SERPINA9: variants seen among roughly 807,000 people sequenced by gnomAD.
The protein encoded by SERPINA9 is serpin family A member 9.
Under a neutral mutation model 24.5 loss-of-function variants are expected in SERPINA9, and 32 were observed. The ratio of observed to expected loss-of-function variants is 1.30; its 90% CI spans 0.98 to 1.75. The LOEUF (loss-of-function observed/expected upper bound fraction) is 1.75, where lower values mean the gene tolerates loss of function less well. SERPINA9 is among the 40% of genes most tolerant of loss of function. The pLI is 0.00. For synonymous variants in SERPINA9, 233 were observed against 197.7 expected, an observed-to-expected ratio of 1.18 and a Z score of -1.50; for missense variants, 594 against 497.1, an observed-to-expected ratio of 1.19 and a Z score of -1.85.
intron 1 of SERPINA9, 167 bp downstream of exon 1, chr14:94,475,969 C>T: frequency 1.0e-6 from 1 of 994,982 alleles, no homozygotes; most frequent in South Asian, 1.6e-5. Context: ...TCTGTATCCA[C>T]AAAAATGTGA....
chr14:94,475,515 A>G (rs1296726524), intron 1 of SERPINA9, among the ~76,000 whole-genome samples: 2 of 152,214 alleles, frequency 1.3e-5, no homozygotes, highest in Admixed American at 6.5e-5. Context: ...TCCTATGAAA[A>G]GGAATTGTCT....
chr14:94,475,668 T>C (rs908613761), intron 1 of SERPINA9, among the ~76,000 whole-genome samples: 1 of 151,998 alleles, frequency 6.6e-6, no homozygotes, highest in Non-Finnish European at 1.5e-5. Context: ...CCTTAGAAAG[T>C]ATCTCTTCTC....
chr14:94,475,106 C>A (rs1899521217), intron 1 of SERPINA9, among the ~76,000 whole-genome samples: 1 of 152,120 alleles, frequency 6.6e-6, no homozygotes, highest in Admixed American at 6.5e-5. Context: ...TCATTTTAAT[C>A]TACTGTGCTT....
At chr14:94,470,484 C>T (rs1338231178) in intron 1 of SERPINA9, among the ~76,000 whole-genome samples, 3 of 152,272 alleles carry the variant, frequency 2.0e-5, no homozygotes, top group Non-Finnish European at 4.4e-5. Flanking sequence ...GCTTCCCCTT[C>T]AAGCCTCAGC....
rs111596366 is a variant in SERPINA9 at position 94,470,734 on chromosome 14, A to G, written c.-17-877T>C. 2.7e-3 allele frequency among the ~76,000 whole-genome samples: 418 copies of G among 152,356 alleles called. 1 individual carries two copies. Among genetic ancestry groups the G allele is most frequent in the Middle Eastern group, 0.017 (5 of 294 alleles). On this transcript the variant is annotated intron_variant, in intron 1 of 4. Transcript: ENST00000674397. ...ACCCAGCACATGGTGAGCGCTGAAT[A>G]CATTACTTTTACTGTTGTTTTGTTG...
intron 1 of SERPINA9, among the ~76,000 whole-genome samples, chr14:94,471,971 A>G (rs1899344272): frequency 6.6e-6 from 1 of 152,074 alleles, no homozygotes; most frequent in East Asian, 1.9e-4. Context: ...TCCTCTGGTC[A>G]TGCTTCCTCA....
chr14:94,470,424 A>G (rs1437493662), intron 1 of SERPINA9, among the ~76,000 whole-genome samples: 2 of 152,234 alleles, frequency 1.3e-5, no homozygotes, highest in African/African-American at 4.8e-5. Flanking sequence ...AGGTGCCCTG[A>G]GCACTGGCAG....
chr14:94,463,626 C>T (rs909779694), intron 4 of SERPINA9, among the ~76,000 whole-genome samples: 16 of 152,254 alleles, frequency 1.1e-4, no homozygotes, highest in African/African-American at 2.2e-4. Flanking sequence ...GCATATGCCC[C>T]GTAAGGTTAT....
intron 4 of SERPINA9, 96 bp from the exon 5 acceptor site, chr14:94,463,392 G>A: frequency 9.4e-7 from 1 of 1,063,628 alleles, no homozygotes; most frequent in East Asian, 2.5e-5. Context: ...GAATGGTGAT[G>A]TCTACCTTGA....
chr14:94,472,718 A>T (rs532999502), intron 1 of SERPINA9, among the ~76,000 whole-genome samples: 1 of 152,346 alleles, frequency 6.6e-6, no homozygotes, highest in African/African-American at 2.4e-5. Context: ...GAGTAAGTAC[A>T]GGCATTGGGA....
rs758103039 is a variant in SERPINA9 at position 94,467,244 on chromosome 14, C to A, written c.767G>T (p.Cys256Phe). The A allele has an allele frequency of 4.3e-6, 7 of 1,614,212 alleles. No individual in the cohort carries two copies. The Admixed American group carries it at 1.0e-4, about 23-fold the overall frequency. ...FAFGVDTELN[C>F]FVLQMDYKGD... ...CTTGTAATCCATCTGCAGCACAAAG[C>A]AGTTCAGCTCTGTATCCACCCCAAA... The change falls in exon 3 of 5, where the codon TGC becomes TTC. Residue 256 changes from cysteine to phenylalanine, a missense_variant. Physicochemically the swap from Cys to Phe is radical, Grantham distance 205 (BLOSUM62 -2). Transcript: ENST00000674397.
At position 94,463,072 on chromosome 14, in the gene SERPINA9, A is replaced by T; in HGVS notation, c.*21T>A. 1 of 1,574,124 alleles carries T rather than the reference A, an allele frequency of 6.4e-7. No individual in the cohort carries two copies. On this transcript the variant is annotated 3_prime_UTR_variant, in exon 5 of 5. Transcript: ENST00000674397. ...TCTTGTGCATTAGCAATGTGCCATCAGTTAACAGGCCATTTCCCACCTAGG... is the reference window on the plus strand; with the variant it reads ...TCTTGTGCATTAGCAATGTGCCATCTGTTAACAGGCCATTTCCCACCTAGG...
rs572837692 is a variant in SERPINA9, at chr14:94,469,650, G to A, written c.191C>T (p.Pro64Leu). The A allele has an allele frequency of 4.2e-5, 68 of 1,614,088 alleles. No individual in the cohort carries two copies. The South Asian group carries it at 4.7e-4, about 11-fold the overall frequency. Residue 64 changes from proline to leucine, a missense_variant, in exon 2 of 5, where the codon CCG (proline) becomes CTG (leucine). Pro to Leu is a moderately conservative substitution (Grantham distance 98). Coordinates refer to ENST00000674397, the MANE Select transcript of SERPINA9 (RefSeq NM_175739.4). ...RLYRRLVLET[P>L]SQNIFFSPVS... ...AGGGGAGAAGAAGATGTTCTGACTC[G>A]GGGTCTCCAAAACCAGCCTGCGGTA...
intron 1 of SERPINA9, among the ~76,000 whole-genome samples, chr14:94,474,557 G>T (rs886796216): frequency 1.3e-5 from 2 of 152,148 alleles, no homozygotes; most frequent in Non-Finnish European, 2.9e-5. Context: ...AGCTCATTCA[G>T]TCAGCTCTTA....
At chr14:94,463,423 C>T (rs753926256) in intron 4 of SERPINA9, 127 bp from the exon 5 acceptor site, 15 of 784,806 alleles carry the variant, frequency 1.9e-5, no homozygotes, top group South Asian at 3.4e-5. Context: ...GGTTCAAATG[C>T]CTGGCATTGG....
chr14:94,467,251 G>T lies in SERPINA9; in HGVS notation c.760C>A (p.Leu254Met), dbSNP rs193117791. 323 of 1,614,238 alleles carry T rather than the reference G, an allele frequency of 2.0e-4. 2 individuals carry two copies. In the African/African-American group the frequency reaches 3.9e-3, roughly 20 times the overall value. ...TCCATCTGCAGCACAAAGCAGTTCA[G>T]CTCTGTATCCACCCCAAAAGCGAAC... ...EQFAFGVDTE[L>M]NCFVLQMDYK... Residue 254 changes from leucine to methionine, a missense_variant, in exon 3 of 5, where the codon CTG becomes ATG. Leu to Met is a conservative substitution (Grantham distance 15). Transcript: ENST00000674397.
intron 1 of SERPINA9, among the ~76,000 whole-genome samples, chr14:94,475,318 G>A (rs2139827156): frequency 6.6e-6 from 1 of 152,186 alleles, no homozygotes. Context: ...CATTTTCAGG[G>A]AAAAGCTTCA....
intron 1 of SERPINA9, among the ~76,000 whole-genome samples, chr14:94,473,098 C>T (rs1009682060): frequency 6.6e-6 from 1 of 152,186 alleles, no homozygotes; most frequent in Non-Finnish European, 1.5e-5. Context: ...GTCTGTGTTC[C>T]TCATTGCTCT....
intron 1 of SERPINA9, among the ~76,000 whole-genome samples, chr14:94,474,721 T>G (rs1194690262): frequency 6.6e-6 from 1 of 152,128 alleles, no homozygotes; most frequent in African/African-American, 2.4e-5. Flanking sequence ...GCACTGCTCG[T>G]TGGGGTGACA....
Sources: allele counts gnomAD v4.1 joint callset (sites outside exome capture counted in the v4.1 genomes callset), GRCh38; gene constraint gnomAD v4.1.1; transcripts MANE v1.5; gene names NCBI Gene and HGNC (gene_info 2026-07-23, HGNC 2026-07-21).